The following CACNA2D3 variants were observed in gnomAD, a reference collection of about 807,000 sequenced individuals.
CACNA2D3 encodes calcium voltage-gated channel auxiliary subunit alpha2delta 3, also known as voltage-dependent calcium channel subunit alpha-2/delta-3.
In CACNA2D3, 60 loss-of-function variants were observed where a neutral mutation model predicts 160.6. That is an observed-to-expected ratio of 0.37 (90% CI 0.30 to 0.46). The LOEUF is 0.46. Among genes scored for constraint, CACNA2D3 ranks in the 20% least tolerant of loss-of-function variants. The pLI is 1.00. For synonymous variants in CACNA2D3, 558 were observed against 492.9 expected (o/e 1.13, Z -1.75); for missense variants, 1,205 against 1,365.0 (o/e 0.88, Z 1.85).
chr3:54,819,989 T>C (rs376372692), intron 14 of CACNA2D3, among the ~76,000 whole-genome samples: 14 of 152,298 alleles, frequency 9.2e-5, no homozygotes, highest in African/African-American at 3.4e-4. Flanking sequence ...TTCTTCCTAA[T>C]GCCTTTGACA....
At chr3:54,799,171 T>TA (rs1391925245) in intron 13 of CACNA2D3, among the ~76,000 whole-genome samples, 1 of 152,222 alleles carries the variant, frequency 6.6e-6, no homozygotes, top group Non-Finnish European at 1.5e-5. Context: ...TTCTCACTGA[T>TA]ATATATCATA....
chr3:54,846,534 A>C (rs896556987), intron 17 of CACNA2D3, 67 bp downstream of exon 17: 1 of 992,812 alleles, frequency 1.0e-6, no homozygotes, highest in African/African-American at 1.6e-5. Context: ...TCAATTCAAC[A>C]GTGATGACAC....
intron 17 of CACNA2D3, among the ~76,000 whole-genome samples, chr3:54,871,077 CACACACACA>C: frequency 1.1e-5 from 1 of 89,270 alleles, no homozygotes; most frequent in Non-Finnish European, 2.2e-5. Flanking sequence ...CACACACACA[CACACACACA>C]CACACACCAT....
chr3:54,961,011 C>CA (rs1702019176), intron 27 of CACNA2D3, among the ~76,000 whole-genome samples: 1 of 152,068 alleles, frequency 6.6e-6, no homozygotes, highest in South Asian at 2.1e-4. Flanking sequence ...GAAATATTCC[C>CA]AAAAAATGAC....
intron 11 of CACNA2D3, among the ~76,000 whole-genome samples, chr3:54,687,644 A>C (rs1341367592): frequency 6.6e-6 from 1 of 152,198 alleles, no homozygotes; most frequent in African/African-American, 2.4e-5. Context: ...ATAATTGAAT[A>C]CTTATTGCAT....
At chr3:54,716,040 T>C (rs1377975704) in intron 11 of CACNA2D3, among the ~76,000 whole-genome samples, 1 of 150,428 alleles carries the variant, frequency 6.6e-6, no homozygotes, top group Non-Finnish European at 1.5e-5. Context: ...AACATGTATA[T>C]GTATATCAAA....
chr3:54,972,225 T>C (rs190776573), intron 29 of CACNA2D3, among the ~76,000 whole-genome samples: 1 of 152,320 alleles, frequency 6.6e-6, no homozygotes, highest in Non-Finnish European at 1.5e-5. Context: ...TCCACATGCT[T>C]TGAAAATTAA....
At chr3:54,831,039 G>T (rs910046516) in intron 14 of CACNA2D3, among the ~76,000 whole-genome samples, 1 of 152,140 alleles carries the variant, frequency 6.6e-6, no homozygotes, top group Non-Finnish European at 1.5e-5. Flanking sequence ...TCAATATGTT[G>T]ATCAATGTTA....
intron 13 of CACNA2D3, among the ~76,000 whole-genome samples, chr3:54,812,078 C>T (rs1399673610): frequency 6.6e-6 from 1 of 152,132 alleles, no homozygotes; most frequent in Non-Finnish European, 1.5e-5. Context: ...TTAAGATAAC[C>T]TCATAGGCCA....
chr3:54,609,130 G>A (rs1415461460), intron 9 of CACNA2D3, among the ~76,000 whole-genome samples: 1 of 152,186 alleles, frequency 6.6e-6, no homozygotes, highest in Non-Finnish European at 1.5e-5. Flanking sequence ...TCATAAGGGT[G>A]TGGCTGTGAG....
In CACNA2D3 at chr3:54,944,673, A is replaced by G. The variant is rs1430063617; in HGVS notation, c.2450-23777A>G. Among the ~76,000 whole-genome samples the G allele has an allele frequency of 3.3e-5, 5 of 152,234 alleles. No individual in the cohort carries two copies. The South Asian group carries it at 6.2e-4, about 19-fold the overall frequency. ...CCTGACCTCATGATCCGCCTGCCTC[A>G]GCCTCCCAAAGTGCTGGGATTACAG... On this transcript the variant is annotated intron_variant, in intron 27 of 37. Coordinates refer to ENST00000474759, the MANE Select transcript of CACNA2D3 (RefSeq NM_018398.3).
At chr3:55,029,950 A>G (rs528055728) in intron 35 of CACNA2D3, among the ~76,000 whole-genome samples, 6 of 152,316 alleles carry the variant, frequency 3.9e-5, no homozygotes, top group South Asian at 2.1e-4. Flanking sequence ...ATAATCAGCA[A>G]TCTTTTCAAA....
intron 8 of CACNA2D3, among the ~76,000 whole-genome samples, chr3:54,574,936 T>G (rs1702557412): frequency 6.6e-6 from 1 of 152,278 alleles, no homozygotes; most frequent in African/African-American, 2.4e-5. Flanking sequence ...AGATTTTCTT[T>G]AGAACGGTTT....
chr3:54,176,889 G>A (rs867487824), intron 2 of CACNA2D3, among the ~76,000 whole-genome samples: 2 of 152,084 alleles, frequency 1.3e-5, no homozygotes, highest in African/African-American at 2.4e-5. Context: ...ATTATTTCAG[G>A]CAGCCCAGTG....
intron 35 of CACNA2D3, among the ~76,000 whole-genome samples, chr3:55,052,709 T>C (rs536779507): frequency 3.7e-4 from 56 of 152,296 alleles, no homozygotes; most frequent in African/African-American, 1.3e-3. Flanking sequence ...GCCTTTTTAG[T>C]GAATTGGCTC....
intron 14 of CACNA2D3, among the ~76,000 whole-genome samples, chr3:54,831,757 G>A (rs914569495): frequency 6.6e-6 from 1 of 152,054 alleles, no homozygotes; most frequent in South Asian, 2.1e-4. Context: ...ATTGTACATG[G>A]CACTTGGGAC....
intron 2 of CACNA2D3, among the ~76,000 whole-genome samples, chr3:54,299,181 G>A (rs903387949): frequency 3.3e-5 from 5 of 150,648 alleles, no homozygotes; most frequent in Non-Finnish European, 7.4e-5. Context: ...AAATTCATGC[G>A]TCTTTACCTT....
At chr3:54,659,405 A>C (rs567929957) in intron 11 of CACNA2D3, among the ~76,000 whole-genome samples, 130 of 152,200 alleles carry the variant, frequency 8.5e-4, no homozygotes, top group Non-Finnish European at 1.4e-3. Context: ...TATTTATAGT[A>C]TATCCCTTTT....
Position 55,064,037 on chromosome 3 carries a change from C to T in CACNA2D3, c.2988-9408C>T, listed in dbSNP as rs567330879. Among the ~76,000 whole-genome samples, 4 of 152,342 alleles carry T rather than the reference C, an allele frequency of 2.6e-5. No homozygotes were observed. The South Asian group carries it at 6.2e-4, about 24-fold the overall frequency. The stretch of plus-strand genomic sequence containing the variant: ...TTATTTGCCATTTTAATATTGTGCT[C>T]CTTCAGACACAGGGCTGCACATTGG... On this transcript the variant is annotated intron_variant, in intron 35 of 37. Coordinates refer to ENST00000474759, the MANE Select transcript of CACNA2D3 (RefSeq NM_018398.3).
Sources: allele counts gnomAD v4.1 joint callset (sites outside exome capture counted in the v4.1 genomes callset), GRCh38; gene constraint gnomAD v4.1.1; transcripts MANE v1.5; gene names NCBI Gene and HGNC (gene_info 2026-07-23, HGNC 2026-07-21).